Variants in LARP1 observed in about 807,000 individuals in gnomAD.
LARP1 encodes La ribonucleoprotein 1, translational regulator, also known as la-related protein 1.
A neutral mutation model predicts 122.7 loss-of-function variants in LARP1; 36 were observed. The observed-to-expected ratio is 0.29, with a 90% CI of 0.22 to 0.39. LARP1 has a LOEUF of 0.39. LARP1 is among the 10% of genes least tolerant of loss of function. The pLI, the probability that LARP1 is intolerant of heterozygous loss-of-function variation, is 1.00. For synonymous variants in LARP1, 539 were observed against 528.7 expected (o/e 1.02, Z -0.27); for missense variants, 1,040 against 1,403.6 (o/e 0.74, Z 4.14).
upstream of LARP1, among the ~76,000 whole-genome samples, chr5:154,754,935 G>A (rs2113532514): frequency 6.6e-6 from 1 of 152,308 alleles, no homozygotes; most frequent in South Asian, 2.1e-4. Flanking sequence ...CTGACACCCA[G>A]CCTAAAGAGC....
At chr5:154,760,537 G>C (rs549119537) in intron 1 of LARP1, among the ~76,000 whole-genome samples, 9 of 152,254 alleles carry the variant, frequency 5.9e-5, no homozygotes, top group East Asian at 1.9e-4. Context: ...CGATGGCTTG[G>C]GGGTGTATAA....
intron 1 of LARP1, among the ~76,000 whole-genome samples, chr5:154,760,998 C>A (rs1754400103): frequency 6.6e-6 from 1 of 152,198 alleles, no homozygotes; most frequent in Non-Finnish European, 1.5e-5. Flanking sequence ...ATATTGTGCA[C>A]CCCCACCTAA....
At chr5:154,811,729 C>G in intron 18 of LARP1, 89 bp downstream of exon 18, 1 of 1,529,942 alleles carries the variant, frequency 6.5e-7, no homozygotes, top group Non-Finnish European at 9.0e-7. Flanking sequence ...CCAGCTGTGC[C>G]CCTAGCCCAG....
chr5:154,801,465 C>A (rs1013601800), intron 10 of LARP1, among the ~76,000 whole-genome samples: 1 of 152,306 alleles, frequency 6.6e-6, no homozygotes, highest in East Asian at 1.9e-4. Flanking sequence ...GTAACAGGGA[C>A]CTTGTCTTAT....
upstream of LARP1, among the ~76,000 whole-genome samples, chr5:154,751,460 A>T (rs945998907): frequency 6.6e-6 from 1 of 152,228 alleles, no homozygotes; most frequent in Non-Finnish European, 1.5e-5. Context: ...ATGAATATCA[A>T]GTATTTCCCA....
intron 1 of LARP1, among the ~76,000 whole-genome samples, chr5:154,715,104 C>T (rs1229193460): frequency 1.3e-5 from 2 of 150,584 alleles, no homozygotes; most frequent in African/African-American, 2.4e-5. Context: ...CGCTTGAACC[C>T]GGGAGGCAGA....
At chr5:154,721,051 A>T (rs1221724684) in intron 1 of LARP1, among the ~76,000 whole-genome samples, 1 of 151,842 alleles carries the variant, frequency 6.6e-6, no homozygotes, top group African/African-American at 2.4e-5. Flanking sequence ...AAAGAAAAAA[A>T]AAAGAGGGGT....
intron 1 of LARP1, among the ~76,000 whole-genome samples, chr5:154,767,822 G>T (rs573387217): frequency 6.6e-6 from 1 of 152,178 alleles, no homozygotes; most frequent in African/African-American, 2.4e-5. Flanking sequence ...TTGGAGCCCA[G>T]TGTAGGGGTG....
chr5:154,683,560 C>G (rs1273172567), intron 1 of LARP1, among the ~76,000 whole-genome samples: 1 of 152,108 alleles, frequency 6.6e-6, no homozygotes, highest in Non-Finnish European at 1.5e-5. Flanking sequence ...CCACAGTCTC[C>G]GCTACTCCCT....
At chr5:154,723,186 C>G (rs185507288) in intron 1 of LARP1, among the ~76,000 whole-genome samples, 22 of 152,296 alleles carry the variant, frequency 1.4e-4, no homozygotes, top group African/African-American at 5.1e-4. Flanking sequence ...ACTGATTTAC[C>G]AACAATGGGT....
intron 1 of LARP1, among the ~76,000 whole-genome samples, chr5:154,759,876 C>CTAAT (rs1263520980): frequency 6.6e-6 from 1 of 152,120 alleles, no homozygotes; most frequent in Non-Finnish European, 1.5e-5. Flanking sequence ...CATCCGTAGG[C>CTAAT]TAATATAAGT....
intron 1 of LARP1, among the ~76,000 whole-genome samples, chr5:154,715,245 T>TG (rs1232579507): frequency 3.4e-5 from 5 of 148,684 alleles, no homozygotes; most frequent in African/African-American, 1.2e-4. Flanking sequence ...GCCAGTCCCC[T>TG]GCTCTGGGGC....
chr5:154,706,640 G>A (rs1160114028), intron 1 of LARP1, among the ~76,000 whole-genome samples: 2 of 151,136 alleles, frequency 1.3e-5, no homozygotes, highest in Non-Finnish European at 2.9e-5. Flanking sequence ...TAAATAATCT[G>A]TACACCAAAT....
chr5:154,687,529 C>G (rs112615668), intron 1 of LARP1, among the ~76,000 whole-genome samples: 53,957 of 152,118 alleles, frequency 0.35, 11,109 homozygotes, highest in Non-Finnish European at 0.48. Context: ...CTACAGGCAC[C>G]CACCACCACA....
chr5:154,725,727 G>C (rs80099597), intron 1 of LARP1, among the ~76,000 whole-genome samples: 2,834 of 152,258 alleles, frequency 0.019, 89 homozygotes, highest in African/African-American at 0.065. Context: ...CTCAAGAAAA[G>C]GCTAAGAAAC....
chr5:154,800,870 C>G (rs1221111898), intron 10 of LARP1, among the ~76,000 whole-genome samples: 2 of 152,172 alleles, frequency 1.3e-5, no homozygotes, highest in South Asian at 2.1e-4. Context: ...CCTGTTCATA[C>G]ACAGAATTCC....
chr5:154,775,961 T>C (rs1185708784), intron 1 of LARP1, among the ~76,000 whole-genome samples: 1 of 152,236 alleles, frequency 6.6e-6, no homozygotes, highest in East Asian at 1.9e-4. Context: ...GAGGCCTGGC[T>C]TCCTGAGGTA....
intron 15 of LARP1, 58 bp downstream of exon 15, chr5:154,806,090 A>G (rs1758754568): frequency 2.5e-6 from 4 of 1,571,840 alleles, no homozygotes; most frequent in African/African-American, 1.4e-5. Context: ...GACCCAGAGT[A>G]TAAGAGTTGG....
At chr5:154,730,863 CTTTTTTTTTT>C (rs60848864) in intron 1 of LARP1, among the ~76,000 whole-genome samples, 2 of 127,786 alleles carry the variant, frequency 1.6e-5, no homozygotes, top group South Asian at 2.5e-4. Flanking sequence ...ACCATTCTGA[CTTTTTTTTTT>C]TTTTTTTTTT....
Sources: allele counts gnomAD v4.1 joint callset (sites outside exome capture counted in the v4.1 genomes callset), GRCh38; gene constraint gnomAD v4.1.1; transcripts MANE v1.5; gene names NCBI Gene and HGNC (gene_info 2026-07-23, HGNC 2026-07-21).